Variants in KIF6 observed in about 807,000 individuals in gnomAD.
KIF6 encodes kinesin-like protein KIF6.
In KIF6, 106 loss-of-function variants were observed where a neutral mutation model predicts 112.7. The ratio of observed to expected loss-of-function variants is 0.94; its 90% confidence interval spans 0.80 to 1.11. The LOEUF (loss-of-function observed/expected upper bound fraction) is 1.11, where lower values mean the gene tolerates loss of function less well. Among genes scored for constraint, KIF6 ranks in the 50% least tolerant of loss-of-function variants. KIF6 has a pLI of 0.00. For synonymous variants in KIF6, 339 were observed against 339.9 expected, an observed-to-expected ratio of 1.00 and a Z score of 0.03; for missense variants, 929 against 964.0, an observed-to-expected ratio of 0.96 and a Z score of 0.48.
intron 13 of KIF6, among the ~76,000 whole-genome samples, chr6:39,481,513 G>A (rs534658519): frequency 3.9e-5 from 6 of 152,010 alleles, no homozygotes; most frequent in Admixed American, 2.0e-4. Flanking sequence ...CCTTTTAAAC[G>A]AATCTCTCCA....
intron 10 of KIF6, among the ~76,000 whole-genome samples, chr6:39,550,001 G>C (rs138392229): frequency 6.2e-4 from 94 of 151,974 alleles, no homozygotes; most frequent in Non-Finnish European, 1.1e-3. Context: ...CAGATCAGCA[G>C]TCCCGAAATT....
In KIF6 at chr6:39,613,117, T is replaced by G. The variant is rs571207786; in HGVS notation, c.639+72A>C. On this transcript the variant is annotated intron_variant, in intron 6 of 22. Coordinates refer to ENST00000287152, the MANE Select transcript of KIF6 (RefSeq NM_145027.6). ...CCCTAAACTTCTATTATATCTTTTT[T>G]TTTTCTGCCTTGGCTTCAGATACTG... 4.6e-4 allele frequency: 573 copies of G among 1,233,796 alleles called. 2 individuals are homozygous for G. Among genetic ancestry groups the G allele is most frequent in the Middle Eastern group, 2.0e-3 (9 of 4,514 alleles). The allele number at this position is 1,233,796 out of a possible 1,614,324, so 76.4% of individuals were successfully genotyped here.
At chr6:39,530,189 A>C (rs1036435314) in intron 13 of KIF6, among the ~76,000 whole-genome samples, 1 of 152,214 alleles carries the variant, frequency 6.6e-6, no homozygotes, top group African/African-American at 2.4e-5. Context: ...ACAAATTCTC[A>C]TTGAGGAGGA....
At chr6:39,463,639 C>T (rs1773615046) in intron 13 of KIF6, among the ~76,000 whole-genome samples, 1 of 152,174 alleles carries the variant, frequency 6.6e-6, no homozygotes, top group Admixed American at 6.5e-5. Context: ...TCCTCAAAAT[C>T]ATCTCAAAAA....
intron 5 of KIF6, among the ~76,000 whole-genome samples, chr6:39,623,687 G>T (rs1035088707): frequency 6.6e-6 from 1 of 152,056 alleles, no homozygotes; most frequent in Non-Finnish European, 1.5e-5. Context: ...TCGTTTTGTA[G>T]AACATCTTCA....
intron 21 of KIF6, among the ~76,000 whole-genome samples, chr6:39,344,347 G>A (rs1445102462): frequency 1.3e-5 from 2 of 152,140 alleles, no homozygotes; most frequent in Non-Finnish European, 2.9e-5. Context: ...CCCAGTCTCA[G>A]GTATGTCTTT....
At chr6:39,613,739 T>C (rs1233713102) in intron 5 of KIF6, among the ~76,000 whole-genome samples, 2 of 152,186 alleles carry the variant, frequency 1.3e-5, no homozygotes. Context: ...CACTTTCAAT[T>C]TACATGACAT....
intron 15 of KIF6, among the ~76,000 whole-genome samples, chr6:39,416,231 A>T (rs1562193997): frequency 6.6e-6 from 1 of 152,264 alleles, no homozygotes; most frequent in Non-Finnish European, 1.5e-5. Flanking sequence ...AACAGTGATG[A>T]TGTAAAAAAA....
chr6:39,494,440 G>C (rs1054594662), intron 13 of KIF6, among the ~76,000 whole-genome samples: 1 of 152,156 alleles, frequency 6.6e-6, no homozygotes, highest in Non-Finnish European at 1.5e-5. Flanking sequence ...GTATTTTAAA[G>C]GTTAAATAAC....
At chr6:39,606,758 T>G (rs1394737364) in intron 6 of KIF6, among the ~76,000 whole-genome samples, 5 of 152,212 alleles carry the variant, frequency 3.3e-5, no homozygotes, top group Non-Finnish European at 7.3e-5. Context: ...CTTCTTTGGA[T>G]CCACCTTCTA....
At chr6:39,643,364 A>G (rs1382345360) in intron 3 of KIF6, among the ~76,000 whole-genome samples, 2 of 152,332 alleles carry the variant, frequency 1.3e-5, no homozygotes, top group East Asian at 3.9e-4. Flanking sequence ...AATAGCTAAA[A>G]CAATCTTGAA....
chr6:39,651,152 A>G (rs540915707), intron 3 of KIF6, among the ~76,000 whole-genome samples: 89 of 152,364 alleles, frequency 5.8e-4, no homozygotes, highest in African/African-American at 2.0e-3. Context: ...ACAAAAATTT[A>G]TAATTAGAGA....
chr6:39,432,280 A>G (rs1771220551), intron 13 of KIF6, among the ~76,000 whole-genome samples: 1 of 152,176 alleles, frequency 6.6e-6, no homozygotes, highest in South Asian at 2.1e-4. Flanking sequence ...CTGTTAAATG[A>G]ATCAGGTTGA....
chr6:39,583,581 G>C, intron 9 of KIF6: 2 of 436,100 alleles, frequency 4.6e-6, no homozygotes, highest in Non-Finnish European at 9.7e-6. Context: ...AAACAATCAA[G>C]AGGAAGTAAT....
chr6:39,707,773 G>A (rs148343268), intron 3 of KIF6, among the ~76,000 whole-genome samples: 1 of 152,314 alleles, frequency 6.6e-6, no homozygotes, highest in African/African-American at 2.4e-5. Flanking sequence ...ACTGACGCTT[G>A]TAAAGCACAT....
At position 39,720,758 on chromosome 6, in the gene KIF6, T is replaced by C. The variant is rs34016507; in HGVS notation, c.120A>G (p.Leu40=). 28,215 of 1,608,982 alleles carry C rather than the reference T, an allele frequency of 0.018. 293 individuals are homozygous for C. Among genetic ancestry groups the C allele is most frequent in the Non-Finnish European group, 0.021 (24,288 of 1,175,514 alleles). ...EKLIPSLEII[L]PRDLADGFVN... ...CAAACCCATCTGCCAAATCACGTGG[T>C]AAGATGATTTCCAAGCTAGGTATTA... The change falls in exon 2 of 23, where the codon TTA becomes TTG. Residue 40 remains leucine, a synonymous_variant. Transcript: ENST00000287152.
chr6:39,469,416 A>G (rs928942835), intron 13 of KIF6, among the ~76,000 whole-genome samples: 2 of 152,176 alleles, frequency 1.3e-5, no homozygotes, highest in Admixed American at 6.5e-5. Flanking sequence ...ACTGTATGCT[A>G]TAAAAGATAC....
At chr6:39,710,175 G>C (rs1387275071) in intron 3 of KIF6, among the ~76,000 whole-genome samples, 2 of 152,156 alleles carry the variant, frequency 1.3e-5, no homozygotes, top group Non-Finnish European at 2.9e-5. Context: ...ACATGTTTCT[G>C]CAGAGGAGAA....
intron 13 of KIF6, among the ~76,000 whole-genome samples, chr6:39,442,840 G>A (rs898752138): frequency 9.9e-5 from 15 of 152,064 alleles, no homozygotes; most frequent in Admixed American, 3.3e-4. Flanking sequence ...TCGGCTGGGC[G>A]CGATGGCTCA....
Sources: gnomAD v4.1 joint callset for allele counts (sites outside exome capture counted in the v4.1 genomes callset) on GRCh38, gnomAD v4.1.1 for gene constraint, MANE v1.5 for transcripts, NCBI Gene and HGNC (gene_info 2026-07-23, HGNC 2026-07-21) for gene names.